The following XRN1 variants were observed in gnomAD, a reference collection of about 807,000 sequenced individuals.
The protein encoded by XRN1 is 5'-3' exoribonuclease 1.
In XRN1, 67 loss-of-function variants were observed where a neutral mutation model predicts 222.3. The ratio of observed to expected loss-of-function variants is 0.30; its 90% CI spans 0.25 to 0.37. The LOEUF (loss-of-function observed/expected upper bound fraction) is 0.37. Among genes scored for constraint, XRN1 ranks in the 10% least tolerant of loss-of-function variants. XRN1 has a pLI of 1.00. For missense variants in XRN1, 1,707 were observed against 2,000.2 expected, an observed-to-expected ratio of 0.85 and a Z score of 2.80; for synonymous variants, 643 against 652.4, an observed-to-expected ratio of 0.99 and a Z score of 0.22.
intron 1 of XRN1, among the ~76,000 whole-genome samples, chr3:142,434,344 A>G (rs2069772520): frequency 6.6e-6 from 1 of 151,938 alleles, no homozygotes; most frequent in South Asian, 2.1e-4. Context: ...TAATTTTCAT[A>G]TCTTTTGTAT....
At chr3:142,423,520 C>T (rs767292047) in intron 6 of XRN1, 40 bp downstream of exon 6, 17 of 1,465,036 alleles carry the variant, frequency 1.2e-5, no homozygotes, top group Admixed American at 4.3e-5. Flanking sequence ...ACTATCCAGG[C>T]GTAATTTCTT....
chr3:142,311,610 G>C lies in XRN1; in HGVS notation c.4986C>G (p.Gly1662=). ...TTGACTTATGGTGAGATATACTATG[G>C]CCTTGAGAGGCAGTTTCAACTTGAA... ...SSFQVETASQ[G]HSISHHKSTP... is the part of the protein sequence containing the mutation. Residue 1662 remains glycine (G), a synonymous_variant, in exon 41 of 41, where the codon GGC becomes GGG. Coordinates refer to ENST00000392981, the MANE Select transcript of XRN1 (RefSeq NM_001282857.2). 1 of 1,614,064 alleles carries C rather than the reference G, an allele frequency of 6.2e-7. No individual in the cohort carries two copies. The highest frequency in any genetic ancestry group is 1.3e-5 in the African/African-American group (1 of 74,998).
At chr3:142,375,626 A>G (rs2067119174) in intron 25 of XRN1, among the ~76,000 whole-genome samples, 172 bp downstream of exon 25, 1 of 152,156 alleles carries the variant, frequency 6.6e-6, no homozygotes, top group Non-Finnish European at 1.5e-5. Context: ...TTTCTACTCA[A>G]TTTTAGCTAG....
chr3:142,306,716 C>T lies in XRN1; in HGVS notation c.*4795G>A, dbSNP rs1031899298. ...TATTTTAAAATCCTTTGCACAGCAT[C>T]GTGAGGCTAACTTCATGCTAGAAAT... On this transcript the variant is annotated 3_prime_UTR_variant, in exon 41 of 41. Transcript: ENST00000392981. 4.6e-5 allele frequency: 7 copies of T among 152,578 alleles called. No individual in the cohort carries two copies. Among genetic ancestry groups the T allele is most frequent in the East Asian group, 1.9e-4 (1 of 5,206 alleles). The allele number at this position is 152,578 out of a possible 1,614,324, so 9.5% of individuals were successfully genotyped here. A position where few individuals can be genotyped will look rare whatever the true frequency, so the allele number is the denominator to read the frequency against.
intron 35 of XRN1, 139 bp from the exon 36 acceptor site, chr3:142,332,673 T>C (rs564696465): frequency 3.5e-6 from 3 of 854,682 alleles, no homozygotes; most frequent in East Asian, 5.9e-5. Flanking sequence ...AGATAGAAAC[T>C]GAAAAAAAAA....
intron 20 of XRN1, among the ~76,000 whole-genome samples, chr3:142,388,263 TA>T (rs1207950001): frequency 9.6e-6 from 1 of 103,868 alleles, no homozygotes; most frequent in African/African-American, 5.6e-5. Context: ...ACCACTTAAT[TA>T]ATAGTAAATA....
chr3:142,336,921 G>C (rs2065866594), intron 33 of XRN1, among the ~76,000 whole-genome samples: 2 of 151,528 alleles, frequency 1.3e-5, no homozygotes, highest in Non-Finnish European at 2.9e-5. Context: ...AACTTAAAGA[G>C]TAAAATAAAC....
At chr3:142,370,977 A>G (rs554121439) in intron 26 of XRN1, among the ~76,000 whole-genome samples, 2 of 152,124 alleles carry the variant, frequency 1.3e-5, no homozygotes, top group East Asian at 3.9e-4. Flanking sequence ...TAGGAGTCAA[A>G]AAAAAAAATT....
At chr3:142,351,207 A>G (rs1251693939) in intron 32 of XRN1, among the ~76,000 whole-genome samples, 2 of 152,310 alleles carry the variant, frequency 1.3e-5, no homozygotes. Flanking sequence ...AAGAAGTCCA[A>G]TAATTTAGCC....
chr3:142,307,177 C>T lies in XRN1; in HGVS notation c.*4334G>A, dbSNP rs1358065333. On this transcript the variant is annotated 3_prime_UTR_variant, in exon 41 of 41. Transcript: ENST00000392981. ...TCCCCATCCCCCACCAAACCCTTAA[C>T]TGTAAGGGAAAGAAAGGAAGAGAGA... is the stretch of plus-strand genomic sequence containing the variant. 1 of 152,116 alleles carries T rather than the reference C, an allele frequency of 6.6e-6. No homozygotes were observed. The highest frequency in any genetic ancestry group is 1.5e-5 in the Non-Finnish European group (1 of 68,020). The allele number at this position is 152,116 out of a possible 1,614,324, so 9.4% of individuals were successfully genotyped here.
rs111900803 is a variant in XRN1 at position 142,362,755 on chromosome 3, T to G, written c.3394+2292A>C. 8.9e-4 allele frequency among the ~76,000 whole-genome samples: 123 copies of G among 137,792 alleles called. 1 individual carries two copies. The highest frequency in any genetic ancestry group is 2.9e-3 in the African/African-American group (111 of 38,800). The allele number at this position is 137,792 out of a possible 152,430, so 90.4% of individuals were successfully genotyped here. A position where few individuals can be genotyped will look rare whatever the true frequency, so the allele number is the denominator to read the frequency against. On this transcript the variant is annotated intron_variant, in intron 29 of 40. Coordinates refer to ENST00000392981, the MANE Select transcript of XRN1 (RefSeq NM_001282857.2). ...CTCCTTCCCTCCCTCCCTCCCTTCC[T>G]TTCTTCCTTTTCTCTCTCTCTCTCT...
At chr3:142,436,845 T>C (rs1385561980) in intron 1 of XRN1, among the ~76,000 whole-genome samples, 1 of 152,186 alleles carries the variant, frequency 6.6e-6, no homozygotes, top group African/African-American at 2.4e-5. Context: ...AGTTAGAAAG[T>C]ATATAAAAAC....
chr3:142,431,342 T>C (rs1577431489), intron 2 of XRN1, among the ~76,000 whole-genome samples: 3 of 152,112 alleles, frequency 2.0e-5, no homozygotes, highest in African/African-American at 4.8e-5. Flanking sequence ...AGCTTCCTAA[T>C]TGCTGAACTG....
At chr3:142,442,827 G>A (rs951534640) in intron 1 of XRN1, among the ~76,000 whole-genome samples, 4 of 152,108 alleles carry the variant, frequency 2.6e-5, no homozygotes, top group African/African-American at 9.7e-5. Context: ...TCCGCCTCCT[G>A]GGTTCACGCC....
intron 15 of XRN1, among the ~76,000 whole-genome samples, chr3:142,410,389 G>A (rs1416856267): frequency 6.6e-6 from 1 of 151,644 alleles, no homozygotes; most frequent in South Asian, 2.1e-4. Context: ...TATTGATAAT[G>A]TGGTAAATTA....
chr3:142,334,619 T>C (rs911117683), intron 34 of XRN1, among the ~76,000 whole-genome samples: 3 of 151,734 alleles, frequency 2.0e-5, no homozygotes, highest in African/African-American at 4.8e-5. Context: ...TGTACTTCAA[T>C]TGTATATGTA....
Position 142,365,483 on chromosome 3 carries a change from A to T in XRN1, c.3205-117T>A, listed in dbSNP as rs190055194. The T allele has an allele frequency of 3.6e-4, 247 of 684,582 alleles. No homozygotes were observed. The African/African-American group carries it at 4.4e-3, about 12-fold the overall frequency. 42.4% of individuals were successfully genotyped at this position (684,582 alleles called of 1,614,324 possible). A position where few individuals can be genotyped will look rare whatever the true frequency, so the allele number is the denominator to read the frequency against. On this transcript the variant is annotated intron_variant, in intron 27 of 40. Coordinates refer to ENST00000392981, the MANE Select transcript of XRN1 (RefSeq NM_001282857.2). ...AAGCCAAATGAAGAGATTAATTTTT[A>T]AAATATTTAAAGTTCTGCAGCTGCA...
intron 20 of XRN1, among the ~76,000 whole-genome samples, chr3:142,392,009 A>C (rs1559843729): frequency 6.6e-6 from 1 of 151,608 alleles, no homozygotes; most frequent in Non-Finnish European, 1.5e-5. Context: ...CCCCTTTTCC[A>C]GGTCTTCTTC....
chr3:142,424,846 C>T (rs1033172249), intron 5 of XRN1, among the ~76,000 whole-genome samples: 3 of 92,114 alleles, frequency 3.3e-5, no homozygotes, highest in Admixed American at 1.1e-4. Context: ...TGAAAATTTC[C>T]ATAATAAAAA....
Sources: allele counts gnomAD v4.1 joint callset (sites outside exome capture counted in the v4.1 genomes callset), GRCh38; gene constraint gnomAD v4.1.1; transcripts MANE v1.5; gene names NCBI Gene and HGNC (gene_info 2026-07-23, HGNC 2026-07-21).